Variants in ISM1 observed in about 807,000 individuals in gnomAD.
ISM1 encodes the protein isthmin-1.
A neutral mutation model predicts 46.3 loss-of-function variants in ISM1; 25 were observed. That is an observed-to-expected ratio of 0.54 (90% confidence interval 0.39 to 0.75). ISM1 has a LOEUF of 0.75. Ranked by LOEUF, ISM1 falls within the 30% of genes least tolerant of loss-of-function variation. The probability of loss-of-function intolerance (pLI) is 0.00; values close to 1 mark genes in which losing one functional copy is unlikely to be tolerated. For missense variants in ISM1, 536 were observed against 625.4 expected (o/e 0.86, Z 1.52); for synonymous variants, 255 against 256.7 (o/e 0.99, Z 0.06).
chr20:13,306,787 GAAGGGATTCCTA>G, the ISM1 span, among the ~76,000 whole-genome samples: 21 of 152,158 alleles, frequency 1.4e-4, no homozygotes, highest in East Asian at 3.5e-3. Context: ...CAGAGACCAG[GAAGGGATTCCTA>G]AAGGTTTGAA....
downstream of ISM1, among the ~76,000 whole-genome samples, chr20:13,305,146 C>T (rs1235935947): frequency 6.7e-6 from 1 of 148,822 alleles, no homozygotes; most frequent in Non-Finnish European, 1.5e-5. Flanking sequence ...AAGAGTCAAT[C>T]TCATTCTGGC....
At chr20:13,245,944 C>T (rs923985375) in intron 1 of ISM1, among the ~76,000 whole-genome samples, 3 of 152,128 alleles carry the variant, frequency 2.0e-5, no homozygotes, top group African/African-American at 4.8e-5. Flanking sequence ...GCCCTCTTTC[C>T]GGTTGCAAAA....
chr20:13,308,503 A>G, the ISM1 span, among the ~76,000 whole-genome samples: 1 of 152,162 alleles, frequency 6.6e-6, no homozygotes, highest in Non-Finnish European at 1.5e-5. Flanking sequence ...TCTGCCACAT[A>G]GCTGGATGCA....
At chr20:13,284,326 C>A (rs942491028) in intron 3 of ISM1, among the ~76,000 whole-genome samples, 2 of 152,222 alleles carry the variant, frequency 1.3e-5, no homozygotes. Flanking sequence ...ACTCCAGCGG[C>A]ATCCTTGAAA....
chr20:13,269,246 A>G (rs1459826721), intron 1 of ISM1, among the ~76,000 whole-genome samples: 1 of 152,232 alleles, frequency 6.6e-6, no homozygotes, highest in East Asian at 1.9e-4. Flanking sequence ...TGAAAATGCT[A>G]TCCCTGAAGG....
At chr20:13,288,792 T>C (rs902872001) in intron 4 of ISM1, 109 bp downstream of exon 4, 56 of 721,348 alleles carry the variant, frequency 7.8e-5, no homozygotes, top group Non-Finnish European at 1.0e-4. Flanking sequence ...TTTTCTTTTC[T>C]TTTTTTTTTT....
chr20:13,222,303 C>T (rs1229789338), intron 1 of ISM1, among the ~76,000 whole-genome samples: 1 of 152,114 alleles, frequency 6.6e-6, no homozygotes, highest in Non-Finnish European at 1.5e-5. Flanking sequence ...GCTGGAGGGA[C>T]GCAAGGAGAC....
intron 1 of ISM1, among the ~76,000 whole-genome samples, chr20:13,225,010 TA>T (rs1222433554): frequency 1.5e-5 from 2 of 129,114 alleles, no homozygotes; most frequent in African/African-American, 6.0e-5. Context: ...CACGCCCGGC[TA>T]ATTTTTTTTT....
At position 13,287,332 on chromosome 20, in the gene ISM1, G is replaced by A. The variant is rs572621947; in HGVS notation, c.644-1208G>A. ...CCCATTTATAAAACCATCAGATCTC[G>A]TGAGACTTATTCACTGCCACGAAAA... On this transcript the variant is annotated intron_variant, in intron 3 of 5. Transcript: ENST00000262487. Among the ~76,000 whole-genome samples, 6 of 152,224 alleles carry A rather than the reference G, an allele frequency of 3.9e-5. No individual in the cohort carries two copies. The East Asian group carries it at 5.8e-4, about 15-fold the overall frequency.
At chr20:13,325,960 C>A in the ISM1 span, among the ~76,000 whole-genome samples, 1 of 152,210 alleles carries the variant, frequency 6.6e-6, no homozygotes, top group African/African-American at 2.4e-5. Flanking sequence ...CTTACCACCT[C>A]TTTATAGTCA....
At chr20:13,255,036 AG>A (rs1174322697) in intron 1 of ISM1, among the ~76,000 whole-genome samples, 1 of 152,228 alleles carries the variant, frequency 6.6e-6, no homozygotes, top group Non-Finnish European at 1.5e-5. Flanking sequence ...ACATCCTGGT[AG>A]GGGCCACAAC....
intron 2 of ISM1, 107 bp downstream of exon 2, chr20:13,270,850 C>T (rs1321961014): frequency 2.0e-6 from 2 of 1,008,864 alleles, no homozygotes; most frequent in African/African-American, 1.6e-5. Context: ...TTCTTAACCC[C>T]TTAATGATTC....
At chr20:13,238,100 G>C (rs2039673688) in intron 1 of ISM1, 1 of 149,216 alleles carries the variant, frequency 6.7e-6, no homozygotes, top group African/African-American at 2.5e-5. Flanking sequence ...ACAATAAAGA[G>C]GAGCAATAAC....
chr20:13,309,172 C>T, the ISM1 span, among the ~76,000 whole-genome samples: 10 of 151,914 alleles, frequency 6.6e-5, no homozygotes, highest in Admixed American at 2.0e-4. Flanking sequence ...AATAAAAATA[C>T]TAAACTATGC....
At chr20:13,284,134 A>G (rs1309966420) in intron 3 of ISM1, among the ~76,000 whole-genome samples, 1 of 152,262 alleles carries the variant, frequency 6.6e-6, no homozygotes, top group African/African-American at 2.4e-5. Flanking sequence ...GAGTTAAATC[A>G]GTAGATCGAC....
the ISM1 span, among the ~76,000 whole-genome samples, chr20:13,308,930 T>C: frequency 6.6e-6 from 1 of 152,060 alleles, no homozygotes; most frequent in East Asian, 1.9e-4. Context: ...CAGCAGTCTA[T>C]AAACCAGAAG....
intron 1 of ISM1, among the ~76,000 whole-genome samples, chr20:13,257,571 G>A (rs959220036): frequency 3.3e-5 from 5 of 151,966 alleles, no homozygotes; most frequent in African/African-American, 1.2e-4. Flanking sequence ...CTCCCCTCTC[G>A]AATCAGTGAT....
At chr20:13,268,605 GC>G (rs1443796255) in intron 1 of ISM1, among the ~76,000 whole-genome samples, 3 of 152,172 alleles carry the variant, frequency 2.0e-5, no homozygotes, top group Non-Finnish European at 4.4e-5. Context: ...CTGCAGAGCA[GC>G]CAGCTTTCCC....
chr20:13,325,893 A>C, the ISM1 span, among the ~76,000 whole-genome samples: 2 of 152,188 alleles, frequency 1.3e-5, no homozygotes, highest in African/African-American at 4.8e-5. Context: ...TGAATATAGA[A>C]CACCAATACA....
Sources: allele counts gnomAD v4.1 joint callset (sites outside exome capture counted in the v4.1 genomes callset), GRCh38; gene constraint gnomAD v4.1.1; transcripts MANE v1.5; gene names NCBI Gene and HGNC (gene_info 2026-07-23, HGNC 2026-07-21).